The following MAML2 variants were observed in gnomAD, a reference collection of about 807,000 sequenced individuals.
MAML2 encodes mastermind like transcriptional coactivator 2.
MAML2 carries 22 observed loss-of-function variants against 96.1 expected under a neutral mutation model. The observed-to-expected ratio is 0.23, with a 90% confidence interval of 0.16 to 0.33. MAML2 has a LOEUF of 0.33. Ranked by LOEUF, MAML2 falls within the 10% of genes least tolerant of loss-of-function variation. The pLI, the probability that MAML2 is intolerant of heterozygous loss-of-function variation, is 1.00. For synonymous variants in MAML2, 561 were observed against 521.3 expected (o/e 1.08, Z -1.04); for missense variants, 1,367 against 1,392.4 (o/e 0.98, Z 0.29).
intron 1 of MAML2, among the ~76,000 whole-genome samples, chr11:96,166,587 T>C (rs951583571): frequency 6.6e-6 from 1 of 152,182 alleles, no homozygotes; most frequent in African/African-American, 2.4e-5. Context: ...AGGTCGAATG[T>C]CAATAGCTAA....
In MAML2 at chr11:96,135,695, C is replaced by T. The variant is rs187971523; in HGVS notation, c.514-42178G>A. On this transcript the variant is annotated intron_variant, in intron 1 of 4. Coordinates refer to ENST00000524717, the MANE Select transcript of MAML2 (RefSeq NM_032427.4). Reference sequence around the variant, plus strand: ...TGTAGCTTTATTTCCTAAAAATTGGCATTTTTTTCCTATCTTTAGAGGAGT... The same window carrying T: ...TGTAGCTTTATTTCCTAAAAATTGGTATTTTTTTCCTATCTTTAGAGGAGT... Among the ~76,000 whole-genome samples, 303 of 151,924 alleles carry T rather than the reference C, an allele frequency of 2.0e-3. 1 individual carries two copies. Among genetic ancestry groups the T allele is most frequent in the Non-Finnish European group, 2.5e-3 (173 of 67,942 alleles).
At chr11:96,183,403 C>T (rs555970181) in intron 1 of MAML2, among the ~76,000 whole-genome samples, 4 of 40,552 alleles carry the variant, frequency 9.9e-5, no homozygotes, top group South Asian at 3.2e-3. Context: ...TCCCCCCCCC[C>T]CCTTTCTTTT....
intron 1 of MAML2, among the ~76,000 whole-genome samples, chr11:96,148,418 A>C (rs1451698088): frequency 6.6e-6 from 1 of 152,004 alleles, no homozygotes; most frequent in Non-Finnish European, 1.5e-5. Flanking sequence ...TGAATGGAGA[A>C]AACACAATAG....
chr11:96,312,954 T>C (rs1324387136), intron 1 of MAML2, among the ~76,000 whole-genome samples: 2 of 152,252 alleles, frequency 1.3e-5, no homozygotes, highest in African/African-American at 4.8e-5. Context: ...CAATATGTTC[T>C]CTTTCATTGG....
At chr11:96,253,183 C>T (rs144849698) in intron 1 of MAML2, among the ~76,000 whole-genome samples, 53 of 152,298 alleles carry the variant, frequency 3.5e-4, no homozygotes, top group African/African-American at 1.2e-3. Context: ...GCCAAAAAAA[C>T]CCTTCAACAC....
chr11:96,214,375 C>A lies in MAML2; in HGVS notation c.514-120858G>T, dbSNP rs186138697. On this transcript the variant is annotated intron_variant, in intron 1 of 4. Coordinates refer to ENST00000524717, the MANE Select transcript of MAML2 (RefSeq NM_032427.4). ...ATCCAAGTTACGTAACTTTTCAGAG[C>A]TTCAGTTTTCAAAACATCTGTAAGA... 2.1e-3 allele frequency among the ~76,000 whole-genome samples: 318 copies of A among 152,290 alleles called. 1 individual carries two copies. Among genetic ancestry groups the A allele is most frequent in the Non-Finnish European group, 3.5e-3 (235 of 68,030 alleles).
At chr11:96,150,936 G>T (rs766149256) in intron 1 of MAML2, among the ~76,000 whole-genome samples, 5 of 152,176 alleles carry the variant, frequency 3.3e-5, no homozygotes, top group Non-Finnish European at 7.3e-5. Context: ...TGGCAATGCA[G>T]CATCTTAAGC....
chr11:96,157,116 C>T (rs1227733501), intron 1 of MAML2, among the ~76,000 whole-genome samples: 1 of 152,204 alleles, frequency 6.6e-6, no homozygotes, highest in Non-Finnish European at 1.5e-5. Context: ...GATAAACATT[C>T]TGTGTTTTGT....
At chr11:96,259,713 TG>T (rs1346662098) in intron 1 of MAML2, among the ~76,000 whole-genome samples, 1 of 152,220 alleles carries the variant, frequency 6.6e-6, no homozygotes, top group African/African-American at 2.4e-5. Flanking sequence ...GTCATCTCGA[TG>T]TGGACCAGCT....
At chr11:96,261,577 T>C (rs12794779) in intron 1 of MAML2, among the ~76,000 whole-genome samples, 8 of 152,362 alleles carry the variant, frequency 5.3e-5, no homozygotes, top group African/African-American at 1.4e-4. Flanking sequence ...TATCGTCTAA[T>C]GGGGTTCTTG....
At chr11:96,037,976 A>G (rs935418734) in intron 2 of MAML2, among the ~76,000 whole-genome samples, 1 of 152,228 alleles carries the variant, frequency 6.6e-6, no homozygotes, top group Admixed American at 6.5e-5. Flanking sequence ...TTAACGTACT[A>G]AAGAGAATGT....
intron 1 of MAML2, among the ~76,000 whole-genome samples, chr11:96,246,521 A>G (rs1438156499): frequency 6.6e-6 from 1 of 152,058 alleles, no homozygotes; most frequent in African/African-American, 2.4e-5. Flanking sequence ...CCTCCTCAAC[A>G]TATCCAAAAA....
chr11:96,065,444 G>C (rs1439338574), intron 2 of MAML2, among the ~76,000 whole-genome samples: 2 of 129,456 alleles, frequency 1.5e-5, no homozygotes, highest in African/African-American at 2.7e-5. Flanking sequence ...CACACACACA[G>C]GAAAGAAAAT....
chr11:96,209,720 G>A (rs1042814709), intron 1 of MAML2, among the ~76,000 whole-genome samples: 5 of 152,144 alleles, frequency 3.3e-5, no homozygotes, highest in African/African-American at 1.2e-4. Flanking sequence ...AAATCTGTAG[G>A]CTCCTTTAAT....
At chr11:96,339,039 G>A (rs1035270140) in intron 1 of MAML2, among the ~76,000 whole-genome samples, 1 of 152,152 alleles carries the variant, frequency 6.6e-6, no homozygotes, top group African/African-American at 2.4e-5. Context: ...AGCTAAAATG[G>A]AGAGGGAATT....
chr11:96,217,037 G>T (rs1862060638), intron 1 of MAML2, among the ~76,000 whole-genome samples: 1 of 152,166 alleles, frequency 6.6e-6, no homozygotes, highest in South Asian at 2.1e-4. Flanking sequence ...GAGCAGGATG[G>T]TGGGGATGTG....
chr11:96,146,221 G>C (rs1051407552), intron 1 of MAML2, among the ~76,000 whole-genome samples: 13 of 152,178 alleles, frequency 8.5e-5, no homozygotes, highest in African/African-American at 3.1e-4. Flanking sequence ...GGTAGCAGGA[G>C]CTTAACTATT....
chr11:96,188,284 T>C (rs1861601787), intron 1 of MAML2, among the ~76,000 whole-genome samples: 1 of 152,254 alleles, frequency 6.6e-6, no homozygotes, highest in South Asian at 2.1e-4. Flanking sequence ...GCAGTTCCTA[T>C]AACCTTTCTA....
chr11:96,303,455 A>G (rs1863418080), intron 1 of MAML2, among the ~76,000 whole-genome samples: 1 of 152,212 alleles, frequency 6.6e-6, no homozygotes, highest in Non-Finnish European at 1.5e-5. Context: ...GTAAGAGTAT[A>G]GGAACCATTA....
Sources: gnomAD v4.1 joint callset for allele counts (sites outside exome capture counted in the v4.1 genomes callset) on GRCh38, gnomAD v4.1.1 for gene constraint, MANE v1.5 for transcripts, NCBI Gene and HGNC (gene_info 2026-07-23, HGNC 2026-07-21) for gene names.